TPM4: variants seen among roughly 807,000 people sequenced by gnomAD.
TPM4 encodes the protein tropomyosin alpha-4 chain.
Under a neutral mutation model 35.8 loss-of-function variants are expected in TPM4, and 17 were observed. The observed-to-expected ratio is 0.47, with a 90% CI of 0.32 to 0.71. The LOEUF (loss-of-function observed/expected upper bound fraction) is 0.71. Ranked by LOEUF, TPM4 falls within the 30% of genes least tolerant of loss-of-function variation. TPM4 has a pLI of 0.03. For synonymous variants in TPM4, 120 were observed against 122.9 expected, an observed-to-expected ratio of 0.98 and a Z score of 0.15; for missense variants, 240 against 320.9, an observed-to-expected ratio of 0.75 and a Z score of 1.93.
At chr19:16,073,512 G>T (rs1193929725), upstream of TPM4, among the ~76,000 whole-genome samples, 1 of 152,194 alleles carries the variant, frequency 6.6e-6, no homozygotes, top group Non-Finnish European at 1.5e-5. Flanking sequence ...AAAGGGGACG[G>T]GGGTCGCAGA....
chr19:16,081,078 A>G, intron 1 of TPM4: 1 of 398,538 alleles, frequency 2.5e-6, no homozygotes, highest in East Asian at 3.6e-5. Flanking sequence ...CCACCTTGGT[A>G]ATTGCATGGC....
chr19:16,067,590 C>T lies in TPM4; in HGVS notation c.-35C>T. The T allele has an allele frequency of 6.3e-7, 1 of 1,593,472 alleles. No individual in the cohort carries two copies. The highest frequency in any genetic ancestry group is 8.6e-7 in the Non-Finnish European group (1 of 1,166,278). ...CTGCCGCAGCCCCCACAGAGCCCGC[C>T]GCGCACCCCACGTCCCCCACGCCAG... is the stretch of plus-strand genomic sequence containing the variant. On this transcript the variant is annotated 5_prime_UTR_variant, in exon 2 of 3. Transcript: ENST00000589897. This position sits in a 1 kb window ranked among gnomAD's most constrained non-coding sequence, Gnocchi z 4.1.
chr19:16,081,824 C>G, intron 1 of TPM4, 89 bp from the exon 2 acceptor site: 1 of 1,413,222 alleles, frequency 7.1e-7, no homozygotes, highest in South Asian at 1.7e-5. Flanking sequence ...CGGGGAAGAT[C>G]AGGTTAACAG....
At chr19:16,081,396 G>GTTTTT in intron 1 of TPM4, 1 of 166,156 alleles carries the variant, frequency 6.0e-6, no homozygotes, top group Non-Finnish European at 1.1e-5. Flanking sequence ...TGGGACACTC[G>GTTTTT]CTTTTTTTTT....
In TPM4 at chr19:16,089,058, C is replaced by G. The variant is rs780674837; in HGVS notation, c.469C>G (p.Leu157Val). The change falls in exon 5 of 8, where the codon CTG becomes GTG. Residue 157 changes from leucine (L) to valine (V), a missense_variant. Physicochemically the swap from Leu to Val is conservative, Grantham distance 32 (BLOSUM62 1). Coordinates refer to ENST00000643579, the MANE Select transcript of TPM4 (RefSeq NM_003290.3). ...GTCTTTGTGCAGAAAATGTGGTGAC[C>G]TGGAAGAAGAACTCAAGAATGTTAC... ...AEVSELKCGD[L>V]EEELKNVTNN... 1 of 1,614,044 alleles carries G rather than the reference C, an allele frequency of 6.2e-7. No individual in the cohort carries two copies. Among genetic ancestry groups the G allele is most frequent in the South Asian group, 1.1e-5 (1 of 91,072 alleles).
chr19:16,076,429 C>CG, upstream of TPM4: 6 of 1,345,236 alleles, frequency 4.5e-6, no homozygotes, highest in Non-Finnish European at 5.7e-6. Flanking sequence ...GCAGCCGGCC[C>CG]GGGGGGCGGG....
At chr19:16,078,495 G>A (rs1045769581) in intron 1 of TPM4, among the ~76,000 whole-genome samples, 32 of 152,280 alleles carry the variant, frequency 2.1e-4, no homozygotes, top group African/African-American at 7.7e-4. Context: ...AATCCTGTAA[G>A]GGCTGCTTTG....
intron 7 of TPM4, chr19:16,095,635 C>T (rs1294219681): frequency 1.0e-5 from 10 of 997,658 alleles, no homozygotes; most frequent in Non-Finnish European, 1.2e-5. Flanking sequence ...AAGCTTATTA[C>T]AAAAAGAAAA....
upstream of TPM4, among the ~76,000 whole-genome samples, chr19:16,071,836 G>A (rs991317664): frequency 6.6e-6 from 1 of 152,146 alleles, no homozygotes; most frequent in Non-Finnish European, 1.5e-5. Context: ...TCCCAGGGCA[G>A]CAACATCCTC....
Position 16,098,165 on chromosome 19 carries a change from G to C in TPM4, c.665-3099G>C, listed in dbSNP as rs534466131. On this transcript the variant is annotated intron_variant, in intron 7 of 7. Coordinates refer to ENST00000643579, the MANE Select transcript of TPM4 (RefSeq NM_003290.3). ...AATTTCAGAGATTAGTGCTATGGCC[G>C]GGCACGGTGGCTCACGCCTGTAATC... 4.6e-5 allele frequency among the ~76,000 whole-genome samples: 7 copies of C among 152,214 alleles called. No homozygotes were observed. The South Asian group carries it at 1.0e-3, about 23-fold the overall frequency.
intron 7 of TPM4, among the ~76,000 whole-genome samples, chr19:16,097,627 A>G (rs922258947): frequency 2.0e-5 from 3 of 152,122 alleles, no homozygotes; most frequent in Non-Finnish European, 2.9e-5. Flanking sequence ...CAAAATTTCA[A>G]ATAGTGCATC....
chr19:16,072,250 A>C (rs893541624), upstream of TPM4, among the ~76,000 whole-genome samples: 1 of 152,178 alleles, frequency 6.6e-6, no homozygotes, highest in Non-Finnish European at 1.5e-5. Context: ...ACTGACCCTC[A>C]AGAAACTCCA....
chr19:16,088,022 T>C lies in TPM4; in HGVS notation c.385-5T>C, dbSNP rs1463918000. On this transcript the variant is annotated splice_polypyrimidine_tract_variant and splice_region_variant and intron_variant, in intron 3 of 7. Transcript: ENST00000643579. The stretch of plus-strand genomic sequence containing the variant: ...GGGCTCAGCTGGGCCTTTCTGTCTC[T>C]GCAGGTAGCTCGTAAGCTGGTCATC... 3 of 1,609,610 alleles carry C rather than the reference T, an allele frequency of 1.9e-6. No individual in the cohort carries two copies. The highest frequency in any genetic ancestry group is 1.7e-6 in the Non-Finnish European group (2 of 1,178,646).
chr19:16,098,766 C>T (rs1004070980), intron 7 of TPM4, among the ~76,000 whole-genome samples: 2 of 151,834 alleles, frequency 1.3e-5, no homozygotes, highest in African/African-American at 4.8e-5. Flanking sequence ...TATGGCAAGA[C>T]CCCATCTCTA....
chr19:16,077,050 G>A, intron 1 of TPM4: 1 of 209,620 alleles, frequency 4.8e-6, no homozygotes, highest in East Asian at 1.1e-4. Flanking sequence ...GGCTGGCGCC[G>A]GGGTCCCGGG....
chr19:16,082,413 A>G (rs577987718), intron 2 of TPM4, among the ~76,000 whole-genome samples: 2 of 152,366 alleles, frequency 1.3e-5, no homozygotes, highest in South Asian at 4.1e-4. Context: ...CAGGAGGCTG[A>G]GGCAAGAGAA....
At chr19:16,077,417 G>A (rs552975329) in intron 1 of TPM4, 1 of 152,328 alleles carries the variant, frequency 6.6e-6, no homozygotes, top group Non-Finnish European at 1.5e-5. Flanking sequence ...CTGAACCCAC[G>A]ATCGTTTGAG....
At chr19:16,080,491 C>G (rs2090469481) in intron 1 of TPM4, 2 of 192,492 alleles carry the variant, frequency 1.0e-5, no homozygotes, top group Non-Finnish European at 2.2e-5. Flanking sequence ...AGGAAGCAAC[C>G]TTCCCAACAC....
At chr19:16,095,203 G>T in intron 7 of TPM4, 1 of 1,003,516 alleles carries the variant, frequency 1.0e-6, no homozygotes, top group Non-Finnish European at 1.2e-6. Flanking sequence ...ACTCCATTCC[G>T]ACCCTTGCCT....
Sources: allele counts gnomAD v4.1 joint callset (sites outside exome capture counted in the v4.1 genomes callset), GRCh38; gene constraint gnomAD v4.1.1; non-coding constraint Gnocchi (gnomAD v3.1); transcripts MANE v1.5; gene names NCBI Gene and HGNC (gene_info 2026-07-23, HGNC 2026-07-21).